Variants in VAMP7 observed in about 807,000 individuals in gnomAD.
VAMP7 encodes vesicle-associated membrane protein 7.
In VAMP7, 14 loss-of-function variants were observed where a neutral mutation model predicts 29.6. The ratio of observed to expected loss-of-function variants is 0.47; its 90% CI spans 0.31 to 0.74. The LOEUF (loss-of-function observed/expected upper bound fraction) is 0.74. Among genes scored for constraint, VAMP7 ranks in the 30% least tolerant of loss-of-function variants. The pLI, the probability that VAMP7 is intolerant of heterozygous loss-of-function variation, is 0.05. For missense variants in VAMP7, 223 were observed against 262.4 expected (o/e 0.85, Z 1.04); for synonymous variants, 95 against 88.1 (o/e 1.08, Z -0.44).
In VAMP7 at chrX:155,898,184, A is replaced by G; in HGVS notation, c.277A>G (p.Arg93Gly). Reference sequence around the variant, plus strand: ...GAGGTTCCAGACTACTTACGGTTCAAGAGCACAGACAGCACTTCCATATGC... The same window carrying G: ...GAGGTTCCAGACTACTTACGGTTCAGGAGCACAGACAGCACTTCCATATGC... ...KKRFQTTYGS[R>G]AQTALPYAMN... is the part of the protein sequence containing the mutation. The change falls in exon 4 of 8, where the codon AGA becomes GGA. Residue 93 changes from arginine to glycine, a missense_variant. Arg to Gly is a moderately radical substitution (Grantham distance 125). Transcript: ENST00000286448. The G allele has an allele frequency of 6.2e-7, 1 of 1,613,696 alleles. No homozygotes were observed. Among genetic ancestry groups the G allele is most frequent in the Non-Finnish European group, 8.5e-7 (1 of 1,179,662 alleles).
intron 6 of VAMP7, among the ~76,000 whole-genome samples, chrX:155,922,639 A>C (rs1005181017): frequency 4.6e-5 from 7 of 152,054 alleles, no homozygotes; most frequent in Non-Finnish European, 8.8e-5. Flanking sequence ...ATCTATGTTT[A>C]TAAGAGATAG....
chrX:155,903,356 C>T (rs79789949), intron 5 of VAMP7, among the ~76,000 whole-genome samples: 16 of 151,896 alleles, frequency 1.1e-4, no homozygotes, highest in African/African-American at 2.2e-4. Flanking sequence ...TTGACAAATG[C>T]GATCTAATTA....
At chrX:155,927,803 C>T (rs772158750) in intron 6 of VAMP7, among the ~76,000 whole-genome samples, 2 of 149,018 alleles carry the variant, frequency 1.3e-5, no homozygotes, top group East Asian at 3.9e-4. Flanking sequence ...TTAAAAATGC[C>T]ATTCCATTTT....
chrX:155,931,788 T>G (rs976683182), intron 6 of VAMP7, among the ~76,000 whole-genome samples: 1 of 152,208 alleles, frequency 6.6e-6, no homozygotes, highest in Non-Finnish European at 1.5e-5. Flanking sequence ...TGCCCATGCC[T>G]ATGTCCTCAA....
rs920553249 is a variant in VAMP7, at chrX:155,920,029, G to C, written c.501+149G>C. The C allele has an allele frequency of 7.3e-6, 5 of 687,414 alleles. No homozygotes were observed. In the African/African-American group the frequency reaches 7.3e-5, roughly 10 times the overall value. The allele number at this position is 687,414 out of a possible 1,614,324, so 42.6% of individuals were successfully genotyped here. On this transcript the variant is annotated intron_variant, in intron 6 of 7. Transcript: ENST00000286448. ...CATTATGTGATTACTTTGTAATAAT[G>C]AGGATAACAATGAGGCATAGAAAAG...
At chrX:155,902,290 G>A (rs1454617442) in intron 5 of VAMP7, among the ~76,000 whole-genome samples, 1 of 151,908 alleles carries the variant, frequency 6.6e-6, no homozygotes, top group African/African-American at 2.4e-5. Context: ...GGGTTTTCTA[G>A]ATATACAATC....
intron 1 of VAMP7, among the ~76,000 whole-genome samples, chrX:155,888,697 T>A (rs1232502473): frequency 6.6e-6 from 1 of 152,216 alleles, no homozygotes; most frequent in Admixed American, 6.5e-5. Context: ...CATTCCTTTC[T>A]TGTGGAAGCT....
chrX:155,934,999 T>C (rs1471224382), intron 6 of VAMP7, among the ~76,000 whole-genome samples: 1 of 152,168 alleles, frequency 6.6e-6, no homozygotes, highest in Non-Finnish European at 1.5e-5. Context: ...GGTTGAAAAT[T>C]CTTTTCTTTA....
At chrX:155,931,717 T>TTTTG (rs1250994800) in intron 6 of VAMP7, among the ~76,000 whole-genome samples, 101 of 152,308 alleles carry the variant, frequency 6.6e-4, no homozygotes, top group Admixed American at 1.1e-3. Flanking sequence ...CTTAATTAGA[T>TTTTG]CCCATTTGTC....
chrX:155,940,961 T>C (rs1346075789), intron 7 of VAMP7, among the ~76,000 whole-genome samples: 1 of 152,114 alleles, frequency 6.6e-6, no homozygotes, highest in Non-Finnish European at 1.5e-5. Flanking sequence ...TGCATCCTTT[T>C]CCAAGCTTGC....
In VAMP7 at chrX:155,942,172, C is replaced by G; in HGVS notation, c.*221C>G. On this transcript the variant is annotated 3_prime_UTR_variant, in exon 8 of 8. Coordinates refer to ENST00000286448, the MANE Select transcript of VAMP7 (RefSeq NM_005638.6). ...ATTGAACCATTCATTGCAGCAGTAGCCTTAAAAAGGCTTTTGTTTATTTCT... is the reference window on the plus strand; with the variant it reads ...ATTGAACCATTCATTGCAGCAGTAGGCTTAAAAAGGCTTTTGTTTATTTCT... The G allele has an allele frequency of 6.5e-7, 1 of 1,540,084 alleles. No homozygotes were observed. The highest frequency in any genetic ancestry group is 2.5e-5 in the East Asian group (1 of 40,778).
chrX:155,907,819 G>A (rs758146025), intron 5 of VAMP7, among the ~76,000 whole-genome samples: 45 of 152,126 alleles, frequency 3.0e-4, no homozygotes, highest in Admixed American at 6.5e-4. Context: ...GCTGCTGGGC[G>A]GAGGGGCTCC....
At chrX:155,893,738 C>G (rs990226966) in intron 2 of VAMP7, among the ~76,000 whole-genome samples, 2 of 152,192 alleles carry the variant, frequency 1.3e-5, no homozygotes, top group Non-Finnish European at 2.9e-5. Context: ...ATGACCTCAT[C>G]TAATCTTAAG....
At chrX:155,936,832 T>A (rs189238731) in intron 6 of VAMP7, among the ~76,000 whole-genome samples, 41 of 152,274 alleles carry the variant, frequency 2.7e-4, no homozygotes, top group African/African-American at 9.6e-4. Flanking sequence ...GGAACAGGAA[T>A]CAAAGGAAAT....
At chrX:155,886,422 A>G (rs2065866258) in intron 1 of VAMP7, among the ~76,000 whole-genome samples, 1 of 152,220 alleles carries the variant, frequency 6.6e-6, no homozygotes, top group African/African-American at 2.4e-5. Flanking sequence ...ACTGTTTAAC[A>G]GTCATTTTTA....
At chrX:155,939,480 A>T (rs957484188) in intron 6 of VAMP7, among the ~76,000 whole-genome samples, 2 of 152,174 alleles carry the variant, frequency 1.3e-5, no homozygotes, top group African/African-American at 4.8e-5. Flanking sequence ...AGTGGAGAAG[A>T]AAAAAGAGGG....
chrX:155,940,776 C>T (rs1178588391), intron 7 of VAMP7, among the ~76,000 whole-genome samples: 1 of 151,992 alleles, frequency 6.6e-6, no homozygotes. Flanking sequence ...ACATTTGTGG[C>T]ATGTGTATGT....
At chrX:155,934,548 G>C (rs1433499130) in intron 6 of VAMP7, among the ~76,000 whole-genome samples, 1 of 151,910 alleles carries the variant, frequency 6.6e-6, no homozygotes, top group Non-Finnish European at 1.5e-5. Context: ...TTTTCCATTT[G>C]CTTGGTAGAT....
At chrX:155,885,307 G>A (rs1364175312) in intron 1 of VAMP7, among the ~76,000 whole-genome samples, 1 of 152,168 alleles carries the variant, frequency 6.6e-6, no homozygotes, top group Non-Finnish European at 1.5e-5. Context: ...TATGAGCAAG[G>A]AAAACGAAGG....
Sources: gnomAD v4.1 joint callset for allele counts (sites outside exome capture counted in the v4.1 genomes callset) on GRCh38, gnomAD v4.1.1 for gene constraint, MANE v1.5 for transcripts, NCBI Gene and HGNC (gene_info 2026-07-23, HGNC 2026-07-21) for gene names.